Variants in IRAK4 observed in about 807,000 individuals in gnomAD.
IRAK4 encodes the protein interleukin-1 receptor-associated kinase 4.
Under a neutral mutation model 51.8 loss-of-function variants are expected in IRAK4, and 44 were observed. The ratio of observed to expected loss-of-function variants is 0.85; its 90% confidence interval spans 0.67 to 1.09. The LOEUF is 1.09. IRAK4 is among the 50% of genes least tolerant of loss of function. IRAK4 has a pLI of 0.00. For missense variants in IRAK4, 487 were observed against 538.0 expected, an observed-to-expected ratio of 0.91 and a Z score of 0.94; for synonymous variants, 149 against 174.1, an observed-to-expected ratio of 0.86 and a Z score of 1.13.
In IRAK4 at chr12:43,768,228, T is replaced by A. The variant is rs141039652; in HGVS notation, c.117T>A (p.Ile39=). 230 of 1,612,908 alleles carry A rather than the reference T, an allele frequency of 1.4e-4. 1 individual carries two copies. In the African/African-American group the frequency reaches 2.7e-3, roughly 19 times the overall value. ...QEGWKKLAVA[I]KKPSGDDRYN... is the part of the protein sequence containing the mutation. ...GATGGAAGAAGTTAGCTGTAGCTAT[T>A]AAAAAACCATCTGGTGATGATAGAT... The change falls in exon 2 of 12, where the codon ATT becomes ATA. Residue 39 remains isoleucine, a synonymous_variant. Coordinates refer to ENST00000613694, the MANE Select transcript of IRAK4 (RefSeq NM_016123.4).
At chr12:43,778,432 C>T in intron 8 of IRAK4, 130 bp downstream of exon 8, 1 of 667,898 alleles carries the variant, frequency 1.5e-6, no homozygotes, top group Non-Finnish European at 2.7e-6. Context: ...TCCATGAAAG[C>T]TCTTCTCAAT....
At position 43,786,956 on chromosome 12, in the gene IRAK4, A is replaced by G; in HGVS notation, c.*241A>G. 1 of 540,084 alleles carries G rather than the reference A, an allele frequency of 1.9e-6. No homozygotes were observed. Among genetic ancestry groups the G allele is most frequent in the Non-Finnish European group, 3.3e-6 (1 of 306,434 alleles). 33.5% of individuals were successfully genotyped at this position (540,084 alleles called of 1,614,324 possible). On this transcript the variant is annotated 3_prime_UTR_variant, in exon 12 of 12. Coordinates refer to ENST00000613694, the MANE Select transcript of IRAK4 (RefSeq NM_016123.4). ...CAGTAATCCCTGAGAAATCTCCTTC[A>G]AGCATCACCAAACACAGTTTGAAAA...
rs764597369 is a variant in IRAK4, at chr12:43,771,348, C to T, written c.290C>T (p.Ala97Val). The T allele has an allele frequency of 2.3e-5, 37 of 1,613,982 alleles. No individual in the cohort carries two copies. Among genetic ancestry groups the T allele is most frequent in the Non-Finnish European group, 2.5e-5 (30 of 1,179,988 alleles). The change falls in exon 3 of 12, where the codon GCG (alanine) becomes GTG (valine). Residue 97 changes from alanine to valine, a missense_variant. Transcript: ENST00000613694. ...ATCCAAAATGAATTTTTTGCTCCTG[C>T]GAGTCTTTTGCTCCCAGGTAAACTG... ...LLIQNEFFAP[A>V]SLLLPDAVPK... is the part of the protein sequence containing the mutation.
chr12:43,780,081 G>C (rs1240887066), intron 8 of IRAK4, among the ~76,000 whole-genome samples: 1 of 152,136 alleles, frequency 6.6e-6, no homozygotes, highest in Non-Finnish European at 1.5e-5. Context: ...CCCTGAAAAC[G>C]AGGAAAGAAA....
At chr12:43,774,159 G>C in intron 6 of IRAK4, 130 bp downstream of exon 6, 1 of 699,450 alleles carries the variant, frequency 1.4e-6, no homozygotes, top group Non-Finnish European at 2.5e-6. Context: ...AAAGTGTTTA[G>C]ATTAGAGAAA....
chr12:43,771,571 C>T (rs1404249809), intron 3 of IRAK4, among the ~76,000 whole-genome samples: 1 of 152,154 alleles, frequency 6.6e-6, no homozygotes, highest in African/African-American at 2.4e-5. Flanking sequence ...ATAGAAGCTT[C>T]GTAAGAGTTA....
rs4251495 is a variant in IRAK4 at position 43,777,293 on chromosome 12, T to G, written c.717-337T>G. Among the ~76,000 whole-genome samples the G allele has an allele frequency of 0.23, 35,562 of 151,616 alleles. 6,672 individuals are homozygous for G. Among genetic ancestry groups the G allele is most frequent in the African/African-American group, 0.53 (21,723 of 41,180 alleles). ...AGTCCAAGCTACTTGGGAGGATGAG[T>G]TAGGAGGATCACTTGAGTCCAGATG... On this transcript the variant is annotated intron_variant, in intron 6 of 11. Coordinates refer to ENST00000613694, the MANE Select transcript of IRAK4 (RefSeq NM_016123.4).
intron 5 of IRAK4, 125 bp downstream of exon 5, chr12:43,773,197 C>A: frequency 1.1e-6 from 1 of 917,626 alleles, no homozygotes; most frequent in Non-Finnish European, 1.7e-6. Flanking sequence ...AAACATCATT[C>A]TAAATAGTAG....
At chr12:43,785,975 CA>C in intron 10 of IRAK4, among the ~76,000 whole-genome samples, 1 of 151,426 alleles carries the variant, frequency 6.6e-6, no homozygotes, top group African/African-American at 2.4e-5. Context: ...ACCAATTGAC[CA>C]AAATGTCATT....
At position 43,787,892 on chromosome 12, in the gene IRAK4, A is replaced by C. The variant is rs1337841798; in HGVS notation, c.*1177A>C. The C allele has an allele frequency of 6.6e-6, 1 of 152,262 alleles. No individual in the cohort carries two copies. Among genetic ancestry groups the C allele is most frequent in the Non-Finnish European group, 1.5e-5 (1 of 68,150 alleles). 9.4% of individuals were successfully genotyped at this position (152,262 alleles called of 1,614,324 possible). ...GCCAACATGGTGAAACCCCGTCTCT[A>C]CTAAAAATACAAAAATTAGACGAGC... On this transcript the variant is annotated 3_prime_UTR_variant, in exon 12 of 12. Coordinates refer to ENST00000613694, the MANE Select transcript of IRAK4 (RefSeq NM_016123.4).
chr12:43,787,154 T>C lies in IRAK4; in HGVS notation c.*439T>C. 6.2e-6 allele frequency: 1 copy of C among 160,716 alleles called. No homozygotes were observed. The highest frequency in any genetic ancestry group is 1.9e-4 in the South Asian group (1 of 5,316). 10.0% of individuals were successfully genotyped at this position (160,716 alleles called of 1,614,324 possible). On this transcript the variant is annotated 3_prime_UTR_variant, in exon 12 of 12. Coordinates refer to ENST00000613694, the MANE Select transcript of IRAK4 (RefSeq NM_016123.4). ...GCTGTGCTTCTCTGACAGGTAGTCA[T>C]GAAAATCAAATGATGCAAAATATAT...
rs752201648 is a variant in IRAK4 at position 43,786,539 on chromosome 12, G to C, written c.1329G>C (p.Lys443Asn). 3.1e-6 allele frequency: 5 copies of C among 1,613,470 alleles called. No individual in the cohort carries two copies. The East Asian group carries it at 1.1e-4, about 36-fold the overall frequency. Residue 443 changes from lysine (K) to asparagine (N), a missense_variant, in exon 11 of 12, where the codon AAG (lysine) becomes AAC (asparagine). By Grantham distance (94) the Lys-to-Asn change is moderately conservative (BLOSUM62 0). Coordinates refer to ENST00000613694, the MANE Select transcript of IRAK4 (RefSeq NM_016123.4). ...AATGTCTGCATGAAAAGAAAAATAA[G>C]AGACCAGACATTAAGAAGGTATGCA... is the stretch of plus-strand genomic sequence containing the variant. The part of the protein sequence containing the change: ...ASQCLHEKKN[K>N]RPDIKKVQQL...
At chr12:43,762,064 A>G (rs1459435064) in intron 1 of IRAK4, among the ~76,000 whole-genome samples, 1 of 152,150 alleles carries the variant, frequency 6.6e-6, no homozygotes, top group African/African-American at 2.4e-5. Context: ...GTCTGTTTTC[A>G]TTATTGAAAA....
intron 6 of IRAK4, among the ~76,000 whole-genome samples, chr12:43,776,408 A>C (rs1414274772): frequency 6.6e-6 from 1 of 152,230 alleles, no homozygotes; most frequent in Non-Finnish European, 1.5e-5. Flanking sequence ...AGTTTGGTGG[A>C]AAATGGGACA....
intron 1 of IRAK4, among the ~76,000 whole-genome samples, chr12:43,766,162 G>A (rs150751611): frequency 5.9e-5 from 9 of 152,156 alleles, no homozygotes; most frequent in African/African-American, 1.9e-4. Flanking sequence ...CTTTGTCTTA[G>A]CACATGAGGT....
At chr12:43,780,397 G>A (rs1211037460) in intron 8 of IRAK4, among the ~76,000 whole-genome samples, 2 of 152,034 alleles carry the variant, frequency 1.3e-5, no homozygotes, top group Admixed American at 1.3e-4. Context: ...AAAGGGAGAG[G>A]ATAGTATGGA....
chr12:43,770,094 T>A (rs1332795302), intron 2 of IRAK4, among the ~76,000 whole-genome samples: 1 of 152,224 alleles, frequency 6.6e-6, no homozygotes, highest in Admixed American at 6.5e-5. Flanking sequence ...TTGAAATTTT[T>A]AAAAATAAAA....
At position 43,783,730 on chromosome 12, in the gene IRAK4, T is replaced by G. The variant is rs372909606; in HGVS notation, c.1188+6T>G. 6.3e-7 allele frequency: 1 copy of G among 1,582,088 alleles called. No homozygotes were observed. Among genetic ancestry groups the G allele is most frequent in the Admixed American group, 1.7e-5 (1 of 59,814 alleles). The stretch of plus-strand genomic sequence containing the variant: ...ACCGTGAACCTCAGTTATTGGTAAA[T>G]GAAATATTCATTTTCCTCAATCCTT... On this transcript the variant is annotated splice_donor_region_variant and intron_variant, in intron 10 of 11. Transcript: ENST00000613694.
chr12:43,771,674 T>C (rs1022221705), intron 3 of IRAK4, among the ~76,000 whole-genome samples: 2 of 152,206 alleles, frequency 1.3e-5, no homozygotes, highest in African/African-American at 4.8e-5. Context: ...AGTTCTTCCT[T>C]TTTTTCATCT....
Sources: allele counts gnomAD v4.1 joint callset (sites outside exome capture counted in the v4.1 genomes callset), GRCh38; gene constraint gnomAD v4.1.1; transcripts MANE v1.5; gene names NCBI Gene and HGNC (gene_info 2026-07-23, HGNC 2026-07-21).